NCOR1: variants seen among roughly 807,000 people sequenced by gnomAD.
NCOR1 encodes the protein nuclear receptor corepressor 1, also known as protein phosphatase 1, regulatory subunit 109.
NCOR1 carries 63 observed loss-of-function variants against 288.1 expected under a neutral mutation model. The ratio of observed to expected loss-of-function variants is 0.22; its 90% CI spans 0.18 to 0.27. The LOEUF is 0.27. Ranked by LOEUF, NCOR1 falls within the 10% of genes least tolerant of loss-of-function variation. The pLI is 1.00. For synonymous variants in NCOR1, 1,007 were observed against 1,065.9 expected, an observed-to-expected ratio of 0.94 and a Z score of 1.08; for missense variants, 2,397 against 3,019.2, an observed-to-expected ratio of 0.79 and a Z score of 4.83.
intron 40 of NCOR1, among the ~76,000 whole-genome samples, chr17:16,053,661 G>A (rs1044003709): frequency 6.6e-6 from 1 of 151,924 alleles, no homozygotes; most frequent in African/African-American, 2.4e-5. Context: ...TTAAACTACC[G>A]AAGACATTCT....
Position 16,133,895 on chromosome 17 carries a change from A to G in NCOR1, c.1509+3416T>C, listed in dbSNP as rs371804533. 1.6e-4 allele frequency among the ~76,000 whole-genome samples: 24 copies of G among 152,312 alleles called. No homozygotes were observed. In the East Asian group the frequency reaches 3.7e-3, roughly 23 times the overall value. ...TCCATCAGCAAAATCTCGTGGTTTT[A>G]CCTTCAAAAGTACATCCAGAAACTA... is the stretch of plus-strand genomic sequence containing the variant. On this transcript the variant is annotated intron_variant, in intron 14 of 45. Transcript: ENST00000268712.
At chr17:16,180,845 A>G (rs1391053924) in intron 3 of NCOR1, among the ~76,000 whole-genome samples, 1 of 151,948 alleles carries the variant, frequency 6.6e-6, no homozygotes, top group African/African-American at 2.4e-5. Context: ...CTAGATGCCC[A>G]CTGACAGATG....
At chr17:16,051,529 C>A (rs1299104877) in intron 40 of NCOR1, among the ~76,000 whole-genome samples, 3 of 152,098 alleles carry the variant, frequency 2.0e-5, no homozygotes, top group Non-Finnish European at 4.4e-5. Flanking sequence ...ACTAAATATC[C>A]ACATCAAAAA....
At chr17:16,144,512 G>T (rs915645868) in intron 10 of NCOR1, among the ~76,000 whole-genome samples, 3 of 152,114 alleles carry the variant, frequency 2.0e-5, no homozygotes, top group Non-Finnish European at 4.4e-5. Context: ...GTGTCATGGG[G>T]ATTTGTCGTA....
Position 16,071,155 on chromosome 17 carries a change from G to A in NCOR1, c.4152+254C>T, listed in dbSNP as rs144118010. Among the ~76,000 whole-genome samples the A allele has an allele frequency of 5.5e-3, 844 of 152,096 alleles. 9 individuals carry two copies. The highest frequency in any genetic ancestry group is 0.02 in the African/African-American group (809 of 41,484). ...ATTCTGGGTGTGGAGGTACATGCCT[G>A]TAGTCCTAGCTACTCGGGAGGCTGA... is the stretch of plus-strand genomic sequence containing the variant. On this transcript the variant is annotated intron_variant, in intron 30 of 45. Coordinates refer to ENST00000268712, the MANE Select transcript of NCOR1 (RefSeq NM_006311.4).
chr17:16,114,343 A>G (rs1469142451), intron 18 of NCOR1, among the ~76,000 whole-genome samples: 1 of 152,000 alleles, frequency 6.6e-6, no homozygotes, highest in Non-Finnish European at 1.5e-5. Context: ...TTGGGTGGGG[A>G]CACAGCCATA....
intron 21 of NCOR1, among the ~76,000 whole-genome samples, chr17:16,096,450 CTA>C (rs1172516092): frequency 6.6e-6 from 1 of 151,904 alleles, no homozygotes; most frequent in Admixed American, 6.5e-5. Flanking sequence ...TAAAAATAAA[CTA>C]GACTTGAAAT....
At chr17:16,202,043 G>A (rs1209544234) in intron 1 of NCOR1, among the ~76,000 whole-genome samples, 1 of 152,048 alleles carries the variant, frequency 6.6e-6, no homozygotes, top group Non-Finnish European at 1.5e-5. Context: ...TGACCAACAT[G>A]TGAAACCCCA....
rs1225830202 is a variant in NCOR1 at position 16,058,016 on chromosome 17, T to C, written c.6059A>G (p.Gln2020Arg). ...TTGTTGGGGAGATGGTGATTCCTGCTGTGGTCGATAGTGATGTAATGGTCC... is the reference window on the plus strand; with the variant it reads ...TTGTTGGGGAGATGGTGATTCCTGCCGTGGTCGATAGTGATGTAATGGTCC... ...YEGPLHHYRP[Q>R]QESPSPQQQL... The change falls in exon 39 of 46, where the codon CAG (glutamine) becomes CGG (arginine). Residue 2020 changes from glutamine to arginine, a missense_variant. By Grantham distance (43) the Gln-to-Arg change is conservative. Transcript: ENST00000268712. The C allele has an allele frequency of 6.2e-7, 1 of 1,614,204 alleles. No individual in the cohort carries two copies. Among genetic ancestry groups the C allele is most frequent in the Non-Finnish European group, 8.5e-7 (1 of 1,180,036 alleles).
chr17:16,177,120 C>A (rs1489388913), intron 3 of NCOR1, among the ~76,000 whole-genome samples: 1 of 152,008 alleles, frequency 6.6e-6, no homozygotes, highest in African/African-American at 2.4e-5. Flanking sequence ...TGTTCTAAGA[C>A]AAGGTTTACC....
chr17:16,065,831 T>TAA lies in NCOR1; in HGVS notation c.4742-139_4742-138dup, dbSNP rs2061055689. On this transcript the variant is annotated intron_variant, in intron 32 of 45. Coordinates refer to ENST00000268712, the MANE Select transcript of NCOR1 (RefSeq NM_006311.4). ...GGAACTTTTACTTAGCTACAAGGAT[T>TAA]AAGGTGGATTTATTTTAGACCTTGA... is the stretch of plus-strand genomic sequence containing the variant. 3.0e-5 allele frequency: 21 copies of TAA among 708,490 alleles called. No individual in the cohort carries two copies. The South Asian group carries it at 3.7e-4, about 13-fold the overall frequency. The allele number at this position is 708,490 out of a possible 1,614,324, so 43.9% of individuals were successfully genotyped here.
Position 16,059,138 on chromosome 17 carries a change from A to G in NCOR1, c.5882-539T>C, listed in dbSNP as rs138746571. ...AGGCAGAACAGAGAACAGATTTATG[A>G]TATTTTCCTGGGAGCTGGAAAAGAA... On this transcript the variant is annotated intron_variant, in intron 37 of 45. Coordinates refer to ENST00000268712, the MANE Select transcript of NCOR1 (RefSeq NM_006311.4). 2.4e-3 allele frequency among the ~76,000 whole-genome samples: 370 copies of G among 151,726 alleles called. 2 individuals carry two copies. Among genetic ancestry groups the G allele is most frequent in the African/African-American group, 8.5e-3 (351 of 41,420 alleles).
chr17:16,170,107 C>CTGTGTGTGTGTGTGTGTGTGTGTG (rs61345864), intron 4 of NCOR1, among the ~76,000 whole-genome samples: 4 of 147,684 alleles, frequency 2.7e-5, no homozygotes, highest in East Asian at 4.0e-4. Flanking sequence ...TATTTGCTTT[C>CTGTGTGTGTGTGTGTGTGTGTGTG]TGTGTGTGTG....
At chr17:16,121,423 T>C (rs561073759) in intron 15 of NCOR1, among the ~76,000 whole-genome samples, 154 bp from the exon 16 acceptor site, 2 of 152,166 alleles carry the variant, frequency 1.3e-5, no homozygotes, top group East Asian at 1.9e-4. Flanking sequence ...TGCCATACCA[T>C]AGTTTTTAAA....
At chr17:16,126,256 C>A (rs760291621) in intron 14 of NCOR1, 50 bp from the exon 15 acceptor site, 8 of 1,492,312 alleles carry the variant, frequency 5.4e-6, no homozygotes, top group Non-Finnish European at 4.4e-6. Flanking sequence ...ACAGAAATAG[C>A]TCCTTATAGT....
At position 16,179,584 on chromosome 17, in the gene NCOR1, T is replaced by C. The variant is rs183090357; in HGVS notation, c.242+6970A>G. ...ACTCCTCCTAAACTCTTCCAAAAAA[T>C]AGAGCTAGAGGGACTATTTCCCAAC... On this transcript the variant is annotated intron_variant, in intron 3 of 45. Transcript: ENST00000268712. Among the ~76,000 whole-genome samples, 112 of 152,232 alleles carry C rather than the reference T, an allele frequency of 7.4e-4. 2 individuals carry two copies. The highest frequency in any genetic ancestry group is 2.3e-3 in the African/African-American group (97 of 41,552).
At chr17:16,087,116 G>A in intron 22 of NCOR1, 2 of 1,229,028 alleles carry the variant, frequency 1.6e-6, no homozygotes, top group East Asian at 1.2e-4. Flanking sequence ...AACCACCCAC[G>A]TGGAACATCT....
chr17:16,120,396 A>G (rs967303530), intron 16 of NCOR1, among the ~76,000 whole-genome samples: 1 of 152,024 alleles, frequency 6.6e-6, no homozygotes, highest in Non-Finnish European at 1.5e-5. Context: ...GACCTGCCCC[A>G]ACCTATCTTT....
chr17:16,135,584 G>T (rs551918418), intron 14 of NCOR1, among the ~76,000 whole-genome samples: 2 of 152,234 alleles, frequency 1.3e-5, no homozygotes, highest in South Asian at 4.2e-4. Flanking sequence ...CTGTGTAACC[G>T]TGTTTCTGCC....
Sources: gnomAD v4.1 joint callset for allele counts (sites outside exome capture counted in the v4.1 genomes callset) on GRCh38, gnomAD v4.1.1 for gene constraint, MANE v1.5 for transcripts, NCBI Gene and HGNC (gene_info 2026-07-23, HGNC 2026-07-21) for gene names.